PAAF1: variants seen among roughly 807,000 people sequenced by gnomAD.
PAAF1 encodes the protein proteasomal ATPase associated factor 1.
PAAF1 carries 46 observed loss-of-function variants against 52.8 expected under a neutral mutation model. The ratio of observed to expected loss-of-function variants is 0.87; its 90% CI spans 0.69 to 1.11. PAAF1 has a LOEUF of 1.11. Among genes scored for constraint, PAAF1 ranks in the 50% most tolerant of loss-of-function variants. The probability of loss-of-function intolerance (pLI) is 0.00; values close to 1 mark genes in which losing one functional copy is unlikely to be tolerated. For synonymous variants in PAAF1, 178 were observed against 172.8 expected (o/e 1.03, Z -0.24); for missense variants, 424 against 477.4 (o/e 0.89, Z 1.04).
Position 73,891,206 on chromosome 11 carries a change from G to A in PAAF1, c.282+5G>A. ...TCCAGAATTCATACAAAGAGTGTAA[G>A]TATTTTGATAAAATGAAGAGAAAAT... is the stretch of plus-strand genomic sequence containing the variant. On this transcript the variant is annotated splice_donor_5th_base_variant and intron_variant, in intron 4 of 11. Coordinates refer to ENST00000310571, the MANE Select transcript of PAAF1 (RefSeq NM_025155.3). 3 of 1,494,582 alleles carry A rather than the reference G, an allele frequency of 2.0e-6. No individual in the cohort carries two copies. The highest frequency in any genetic ancestry group is 1.9e-6 in the Non-Finnish European group (2 of 1,080,822). 92.6% of individuals were successfully genotyped at this position (1,494,582 alleles called of 1,614,324 possible).
intron 7 of PAAF1, 21 bp from the exon 8 acceptor site, chr11:73,914,392 C>T (rs1022937229): frequency 6.2e-7 from 1 of 1,609,824 alleles, no homozygotes; most frequent in Non-Finnish European, 8.5e-7. Flanking sequence ...CTGTTATTAA[C>T]ATAGTTTATT....
Position 73,930,517 on chromosome 11 carries a change from T to G in PAAF1, c.*3155T>G, listed in dbSNP as rs1357697488. 6.6e-6 allele frequency: 1 copy of G among 151,490 alleles called. No homozygotes were observed. The highest frequency in any genetic ancestry group is 2.4e-5 in the African/African-American group (1 of 41,102). 9.4% of individuals were successfully genotyped at this position (151,490 alleles called of 1,614,324 possible). Reference sequence around the variant, plus strand: ...ATCCCAGCACTTTGGGAGGCTGGGGTGGGTGGATCGCTGGAGCCCAGGAAT... The same window carrying G: ...ATCCCAGCACTTTGGGAGGCTGGGGGGGGTGGATCGCTGGAGCCCAGGAAT... On this transcript the variant is annotated 3_prime_UTR_variant, in exon 12 of 12. Coordinates refer to ENST00000310571, the MANE Select transcript of PAAF1 (RefSeq NM_025155.3).
Position 73,922,057 on chromosome 11 carries a change from T to C in PAAF1, c.1019-2558T>C, listed in dbSNP as rs1161363337. On this transcript the variant is annotated intron_variant, in intron 10 of 11. Transcript: ENST00000310571. ...AAGACATTGGCCTTGAACTAATAGA[T>C]GGCTTCATCCACAGTATCTGTATCT... 3.6e-6 allele frequency: 3 copies of C among 837,848 alleles called. No individual in the cohort carries two copies. The African/African-American group carries it at 5.1e-5, about 14-fold the overall frequency. 51.9% of individuals were successfully genotyped at this position (837,848 alleles called of 1,614,324 possible). A position where few individuals can be genotyped will look rare whatever the true frequency, so the allele number is the denominator to read the frequency against.
intron 9 of PAAF1, among the ~76,000 whole-genome samples, chr11:73,918,196 C>T (rs1950117806): frequency 6.6e-6 from 1 of 151,900 alleles, no homozygotes; most frequent in South Asian, 2.1e-4. Flanking sequence ...AGGTATGTTC[C>T]CTGCATATGA....
intron 1 of PAAF1, among the ~76,000 whole-genome samples, chr11:73,877,911 A>G (rs1948788352): frequency 6.6e-6 from 1 of 152,192 alleles, no homozygotes; most frequent in African/African-American, 2.4e-5. Context: ...TGACGTCTTA[A>G]TTAGGAATAC....
intron 4 of PAAF1, among the ~76,000 whole-genome samples, chr11:73,891,689 T>G (rs145931872): frequency 0.014 from 2,087 of 152,142 alleles, 41 homozygotes; most frequent in African/African-American, 0.048. Flanking sequence ...GTGGGAGAAT[T>G]TTTTGAGCCC....
At chr11:73,887,550 C>A in intron 3 of PAAF1, 93 bp downstream of exon 3, 1 of 745,452 alleles carries the variant, frequency 1.3e-6, no homozygotes. Context: ...ATCTGTGTAT[C>A]TCCACTTCAT....
intron 2 of PAAF1, among the ~76,000 whole-genome samples, chr11:73,882,289 G>C (rs1266680612): frequency 6.6e-6 from 1 of 150,516 alleles, no homozygotes; most frequent in Non-Finnish European, 1.5e-5. Flanking sequence ...TGGGATTACA[G>C]GCGTGAGGCA....
chr11:73,900,172 A>G, intron 5 of PAAF1, 98 bp from the exon 6 acceptor site: 1 of 1,300,058 alleles, frequency 7.7e-7, no homozygotes, highest in South Asian at 1.6e-5. Flanking sequence ...TGGGTTTAGC[A>G]TGTAGGTATT....
intron 9 of PAAF1, among the ~76,000 whole-genome samples, chr11:73,918,569 C>T (rs1226209725): frequency 6.6e-6 from 1 of 151,086 alleles, no homozygotes; most frequent in Non-Finnish European, 1.5e-5. Context: ...CTCCACCTCC[C>T]GGGTTCCCGC....
chr11:73,899,095 ATAAGAGTAT>A (rs1949520067), intron 4 of PAAF1, 42 bp from the exon 5 acceptor site: 1 of 1,391,620 alleles, frequency 7.2e-7, no homozygotes, highest in South Asian at 1.2e-5. Context: ...TTTCAAGGGA[ATAAGAGTAT>A]TTCATTATTT....
chr11:73,908,259 A>G lies in PAAF1; in HGVS notation c.533-1140A>G, dbSNP rs549839445. On this transcript the variant is annotated intron_variant, in intron 6 of 11. Coordinates refer to ENST00000310571, the MANE Select transcript of PAAF1 (RefSeq NM_025155.3). ...TGTATATATATGTGTATATATATGT[A>G]TATATGTGTATATATGTGTATATAT... Among the ~76,000 whole-genome samples the G allele has an allele frequency of 5.6e-3, 794 of 140,890 alleles. 8 individuals carry two copies. Among genetic ancestry groups the G allele is most frequent in the African/African-American group, 0.021 (717 of 34,690 alleles). The allele number at this position is 140,890 out of a possible 152,430, so 92.4% of individuals were successfully genotyped here.
chr11:73,884,735 A>T (rs977591962), intron 2 of PAAF1, among the ~76,000 whole-genome samples: 4 of 152,182 alleles, frequency 2.6e-5, no homozygotes, highest in Admixed American at 1.3e-4. Flanking sequence ...TCTAGGCCAA[A>T]CTTCTACCCT....
In PAAF1 at chr11:73,890,808, C is replaced by T. The variant is rs531588087; in HGVS notation, c.193-304C>T. On this transcript the variant is annotated intron_variant, in intron 3 of 11. Transcript: ENST00000310571. ...TTGGTATTAGATTTTCTTCTTAAAA[C>T]GAATGCTCTAATGCTTATTGGTTGT... Among the ~76,000 whole-genome samples, 8 of 152,292 alleles carry T rather than the reference C, an allele frequency of 5.3e-5. No individual in the cohort carries two copies. In the South Asian group the frequency reaches 1.0e-3, roughly 20 times the overall value.
At position 73,877,081 on chromosome 11, in the gene PAAF1, C is replaced by T. The variant is rs1332460210; in HGVS notation, c.47+13C>T. ...CGCAAGCCCTCAGGTGAATCCAGGC[C>T]CAGAACAGAGTCAGAGGAGGCGGGT... is the stretch of plus-strand genomic sequence containing the variant. On this transcript the variant is annotated intron_variant, in intron 1 of 11. Transcript: ENST00000310571. 1 of 1,526,988 alleles carries T rather than the reference C, an allele frequency of 6.5e-7. No homozygotes were observed. Among genetic ancestry groups the T allele is most frequent in the Non-Finnish European group, 8.8e-7 (1 of 1,133,976 alleles). 94.6% of individuals were successfully genotyped at this position (1,526,988 alleles called of 1,614,324 possible). A position where few individuals can be genotyped will look rare whatever the true frequency, so the allele number is the denominator to read the frequency against.
At chr11:73,921,448 G>A (rs1053354933) in intron 10 of PAAF1, among the ~76,000 whole-genome samples, 10 of 151,776 alleles carry the variant, frequency 6.6e-5, no homozygotes, top group African/African-American at 2.2e-4. Flanking sequence ...CTTACTAAGC[G>A]CCAGCTTAAT....
chr11:73,927,242 A>C (rs1481483953), intron 11 of PAAF1, 43 bp from the exon 12 acceptor site: 1 of 1,478,306 alleles, frequency 6.8e-7, no homozygotes, highest in Non-Finnish European at 9.5e-7. Context: ...TTGAAATGGA[A>C]GAATCCCAGG....
intron 11 of PAAF1, 115 bp from the exon 12 acceptor site, chr11:73,927,170 C>A: frequency 2.6e-6 from 2 of 775,318 alleles, no homozygotes; most frequent in South Asian, 3.2e-5. Context: ...ATTCTGTTGC[C>A]TTCATAAAGC....
At chr11:73,880,687 G>GAAAAAAAAAAAAAA (rs58934862) in intron 2 of PAAF1, 1 of 40,598 alleles carries the variant, frequency 2.5e-5, no homozygotes, top group African/African-American at 6.8e-5. Flanking sequence ...ACTCTGTCTC[G>GAAAAAAAAAAAAAA]AAAAAAAAAA....
Sources: gnomAD v4.1 joint callset for allele counts (sites outside exome capture counted in the v4.1 genomes callset) on GRCh38, gnomAD v4.1.1 for gene constraint, MANE v1.5 for transcripts, NCBI Gene and HGNC (gene_info 2026-07-23, HGNC 2026-07-21) for gene names.